The following CSMD1 variants were observed in gnomAD, a reference collection of about 807,000 sequenced individuals.
The protein encoded by CSMD1 is CUB and sushi domain-containing protein 1.
CSMD1 carries 213 observed loss-of-function variants against 417.5 expected under a neutral mutation model. That is an observed-to-expected ratio of 0.51 (90% CI 0.46 to 0.57). The LOEUF (loss-of-function observed/expected upper bound fraction) is 0.57, where lower values mean the gene tolerates loss of function less well. Among genes scored for constraint, CSMD1 ranks in the 20% least tolerant of loss-of-function variants. The pLI is 0.00. For synonymous variants in CSMD1, 2,862 were observed against 1,736.8 expected (o/e 1.65, Z -16.11); for missense variants, 6,923 against 4,529.7 (o/e 1.53, Z -15.17).
intron 6 of CSMD1, among the ~76,000 whole-genome samples, chr8:3,712,126 A>C (rs1801544142): frequency 6.6e-6 from 1 of 150,822 alleles, no homozygotes; most frequent in South Asian, 2.1e-4. Flanking sequence ...GATGTAGACT[A>C]TCTGCTCTCC....
chr8:4,642,720 T>C (rs1226287589), intron 1 of CSMD1, among the ~76,000 whole-genome samples: 2 of 152,220 alleles, frequency 1.3e-5, no homozygotes, highest in Non-Finnish European at 2.9e-5. Context: ...GTGGGGTGTG[T>C]AGCTTAGCCT....
intron 26 of CSMD1, among the ~76,000 whole-genome samples, chr8:3,249,962 A>C (rs1800147997): frequency 6.6e-6 from 1 of 152,264 alleles, no homozygotes; most frequent in Non-Finnish European, 1.5e-5. Flanking sequence ...TTTGCATGTC[A>C]GGTTAAAAAC....
At chr8:3,138,886 G>T (rs1041280446) in intron 41 of CSMD1, among the ~76,000 whole-genome samples, 20 of 152,164 alleles carry the variant, frequency 1.3e-4, no homozygotes, top group African/African-American at 4.3e-4. Flanking sequence ...CATCACAAAA[G>T]GAATAAGTCC....
intron 3 of CSMD1, among the ~76,000 whole-genome samples, chr8:4,396,616 T>TACACACAC (rs143703195): frequency 6.1e-5 from 9 of 148,576 alleles, no homozygotes; most frequent in East Asian, 2.0e-4. Flanking sequence ...GAAAATGTGA[T>TACACACAC]ACACACACAC....
chr8:3,942,075 G>C (rs1020542014), intron 5 of CSMD1, among the ~76,000 whole-genome samples: 1 of 151,944 alleles, frequency 6.6e-6, no homozygotes, highest in East Asian at 1.9e-4. Context: ...AAGGGATCTA[G>C]GTTTCGAGCT....
At chr8:4,633,845 G>A (rs1802681863) in intron 2 of CSMD1, among the ~76,000 whole-genome samples, 1 of 152,092 alleles carries the variant, frequency 6.6e-6, no homozygotes, top group Non-Finnish European at 1.5e-5. Flanking sequence ...ACAGGCATGA[G>A]CCACCATGCT....
intron 7 of CSMD1, among the ~76,000 whole-genome samples, chr8:3,654,450 T>C (rs2469395): frequency 0.84 from 127,614 of 152,112 alleles, 54,389 homozygotes; most frequent in Non-Finnish European, 0.92. Flanking sequence ...GAAAAGATAA[T>C]GGTACAGGAA....
intron 3 of CSMD1, among the ~76,000 whole-genome samples, chr8:4,274,799 C>T (rs868590977): frequency 4.6e-5 from 7 of 152,036 alleles, no homozygotes; most frequent in African/African-American, 1.7e-4. Flanking sequence ...AAAAATATTG[C>T]CACCCTCAAC....
chr8:4,691,016 C>T (rs527342604), intron 1 of CSMD1, among the ~76,000 whole-genome samples: 41 of 152,272 alleles, frequency 2.7e-4, no homozygotes, highest in Non-Finnish European at 4.6e-4. Flanking sequence ...CATGAGCCAC[C>T]GTGACTGGCC....
chr8:3,217,982 C>T (rs537006038), intron 29 of CSMD1, among the ~76,000 whole-genome samples: 24 of 152,248 alleles, frequency 1.6e-4, no homozygotes, highest in South Asian at 8.3e-4. Context: ...CTTTGTAATA[C>T]ACCTTGTATT....
chr8:4,489,454 A>C (rs1273918002), intron 2 of CSMD1, among the ~76,000 whole-genome samples: 1 of 152,256 alleles, frequency 6.6e-6, no homozygotes, highest in Admixed American at 6.5e-5. Context: ...CAAAAACTAT[A>C]AAATGGGTGC....
At chr8:3,902,735 C>A (rs1190177454) in intron 5 of CSMD1, among the ~76,000 whole-genome samples, 3 of 152,106 alleles carry the variant, frequency 2.0e-5, no homozygotes, top group African/African-American at 4.8e-5. Context: ...GGATTAGAGA[C>A]CCCTGCTGAG....
chr8:4,253,202 C>T (rs763884233), intron 3 of CSMD1, among the ~76,000 whole-genome samples: 40 of 152,110 alleles, frequency 2.6e-4, no homozygotes, highest in Non-Finnish European at 4.4e-4. Context: ...TCTACGATCC[C>T]GCCCCATTCC....
At chr8:3,373,262 T>C (rs1810087696) in intron 18 of CSMD1, 1 of 152,208 alleles carries the variant, frequency 6.6e-6, no homozygotes. Flanking sequence ...GGAGGGAATG[T>C]GCTCTGCCCT....
intron 3 of CSMD1, among the ~76,000 whole-genome samples, chr8:4,268,246 T>C (rs992208263): frequency 6.6e-6 from 1 of 152,150 alleles, no homozygotes; most frequent in African/African-American, 2.4e-5. Context: ...GAGCAAAAGA[T>C]GGCATTCAAA....
At chr8:4,408,183 C>T (rs182239850) in intron 3 of CSMD1, among the ~76,000 whole-genome samples, 1 of 152,176 alleles carries the variant, frequency 6.6e-6, no homozygotes, top group East Asian at 1.9e-4. Flanking sequence ...CAGATGTATA[C>T]AAATCAGTGT....
intron 8 of CSMD1, among the ~76,000 whole-genome samples, chr8:3,603,687 C>T (rs1293542727): frequency 2.0e-5 from 3 of 152,130 alleles, no homozygotes; most frequent in Admixed American, 2.0e-4. Context: ...TTAAAATTCC[C>T]TCTTGTATTC....
chr8:3,779,718 T>C (rs1255034243), intron 5 of CSMD1, among the ~76,000 whole-genome samples: 1 of 152,152 alleles, frequency 6.6e-6, no homozygotes, highest in African/African-American at 2.4e-5. Flanking sequence ...ATATTTTATA[T>C]CTGCAGAACA....
In CSMD1 at chr8:4,022,069, A is replaced by C. The variant is rs540749772; in HGVS notation, c.610+9836T>G. Among the ~76,000 whole-genome samples the C allele has an allele frequency of 2.0e-5, 3 of 150,220 alleles. No individual in the cohort carries two copies. In the South Asian group the frequency reaches 6.4e-4, roughly 32 times the overall value. ...CATTCTTTAATATACAGATGAATAC[A>C]TATGGGAGCATGTATCCACACACAC... On this transcript the variant is annotated intron_variant, in intron 4 of 69. Transcript: ENST00000635120.
Sources: gnomAD v4.1 joint callset for allele counts (sites outside exome capture counted in the v4.1 genomes callset) on GRCh38, gnomAD v4.1.1 for gene constraint, MANE v1.5 for transcripts, NCBI Gene and HGNC (gene_info 2026-07-23, HGNC 2026-07-21) for gene names.